Variants in HERC2 observed in about 807,000 individuals in gnomAD.
The protein encoded by HERC2 is E3 ubiquitin-protein ligase HERC2.
Under a neutral mutation model 537.7 loss-of-function variants are expected in HERC2, and 102 were observed. That is an observed-to-expected ratio of 0.19 (90% CI 0.16 to 0.22). The LOEUF (loss-of-function observed/expected upper bound fraction) is 0.22, where lower values mean the gene tolerates loss of function less well. HERC2 is among the 10% of genes least tolerant of loss of function. The pLI is 1.00. For missense variants in HERC2, 4,236 were observed against 6,198.2 expected, an observed-to-expected ratio of 0.68 and a Z score of 10.63; for synonymous variants, 2,224 against 2,466.2, an observed-to-expected ratio of 0.90 and a Z score of 2.91.
At position 28,144,678 on chromosome 15, in the gene HERC2, G is replaced by A; in HGVS notation, c.11135C>T (p.Ala3712Val). ...WRFTVYPIMP[A>V]AGPKELLSDR... ...GCCATAAGCCCCTTCCTTACCAGCA[G>A]CTGGCATGATGGGATAGACGGTGAA... Residue 3712 changes from alanine to valine, a missense_variant, in exon 72 of 93, where the codon GCT becomes GTT. Physicochemically the swap from Ala to Val is moderately conservative, Grantham distance 64 (BLOSUM62 0). Transcript: ENST00000261609. 1 of 1,614,208 alleles carries A rather than the reference G, an allele frequency of 6.2e-7. No homozygotes were observed.
intron 68 of HERC2, among the ~76,000 whole-genome samples, chr15:28,165,903 G>A (rs1894089097): frequency 1.3e-5 from 2 of 152,106 alleles, no homozygotes; most frequent in Non-Finnish European, 1.5e-5. Flanking sequence ...CACACAAAGG[G>A]CCCAGATCTT....
chr15:28,278,787 T>C lies in HERC2; in HGVS notation c.542+1281A>G, dbSNP rs573042617. Among the ~76,000 whole-genome samples the C allele has an allele frequency of 3.9e-5, 6 of 152,302 alleles. No homozygotes were observed. In the South Asian group the frequency reaches 1.2e-3, roughly 32 times the overall value. The stretch of plus-strand genomic sequence containing the variant: ...CAGGGAGTCAAAGTCACTATCACAG[T>C]CAAATAAAGCCAGCACTCCTAACAC... On this transcript the variant is annotated intron_variant, in intron 5 of 92. Coordinates refer to ENST00000261609, the MANE Select transcript of HERC2 (RefSeq NM_004667.6).
intron 65 of HERC2, among the ~76,000 whole-genome samples, chr15:28,171,705 C>A (rs957727007): frequency 6.6e-6 from 1 of 151,826 alleles, no homozygotes; most frequent in Non-Finnish European, 1.5e-5. Context: ...TATTCCCATA[C>A]AGAAGAAATG....
chr15:28,192,451 C>T (rs1896939982), intron 52 of HERC2, among the ~76,000 whole-genome samples: 1 of 152,138 alleles, frequency 6.6e-6, no homozygotes, highest in African/African-American at 2.4e-5. Context: ...ACAGCACTCA[C>T]AAAAACCATT....
chr15:28,314,844 G>A (rs2077039576), intron 2 of HERC2, among the ~76,000 whole-genome samples: 1 of 144,490 alleles, frequency 6.9e-6, no homozygotes, highest in African/African-American at 2.5e-5. Context: ...CTGGGCAACA[G>A]AGCAAGACTC....
At chr15:28,321,063 A>C (rs1207877428) in intron 2 of HERC2, among the ~76,000 whole-genome samples, 2 of 152,086 alleles carry the variant, frequency 1.3e-5, no homozygotes, top group Non-Finnish European at 2.9e-5. Flanking sequence ...AGTCACCATG[A>C]TATGGTTAGG....
intron 35 of HERC2, among the ~76,000 whole-genome samples, chr15:28,223,447 G>A (rs1900743475): frequency 6.6e-6 from 1 of 152,062 alleles, no homozygotes; most frequent in Non-Finnish European, 1.5e-5. Flanking sequence ...AATTCCCAGG[G>A]CTGGAGCAAA....
chr15:28,214,769 G>C lies in HERC2; in HGVS notation c.6244C>G (p.Pro2082Ala). ...LAVHLLQAVL[P>A]SWDKTERARD... ...GCCCTTTCGGTCTTGTCCCATGATG[G>C]AAGGACTGCTTGCAACAAATGCACA... The change falls in exon 40 of 93, where the codon CCA becomes GCA. Residue 2082 changes from proline (P) to alanine (A), a missense_variant. Transcript: ENST00000261609. The C allele has an allele frequency of 6.2e-7, 1 of 1,611,748 alleles. No homozygotes were observed. Among genetic ancestry groups the C allele is most frequent in the South Asian group, 1.1e-5 (1 of 90,988 alleles).
At chr15:28,289,281 C>A (rs532010369) in intron 4 of HERC2, among the ~76,000 whole-genome samples, 1 of 152,236 alleles carries the variant, frequency 6.6e-6, no homozygotes, top group African/African-American at 2.4e-5. Flanking sequence ...CACGCAAACA[C>A]CAAATCAGAA....
At chr15:28,245,562 TATATAC>T (rs1334016374) in intron 23 of HERC2, among the ~76,000 whole-genome samples, 8 of 62,904 alleles carry the variant, frequency 1.3e-4, no homozygotes, top group East Asian at 3.8e-4. Context: ...AAAAAAAAAA[TATATAC>T]ACACACACAC....
chr15:28,215,826 C>G (rs751259973), intron 38 of HERC2, 24 bp from the exon 39 acceptor site: 10 of 1,428,964 alleles, frequency 7.0e-6, no homozygotes, highest in South Asian at 1.2e-5. Flanking sequence ...AATAGACATG[C>G]TTGGTAACAA....
chr15:28,246,598 TA>T (rs139539730), intron 22 of HERC2, 143 bp downstream of exon 22: 15,008 of 463,334 alleles, frequency 0.032, 1 homozygote, highest in South Asian at 0.047. Flanking sequence ...TGTCAGTAAC[TA>T]AAAAAAAAAA....
In HERC2 at chr15:28,191,977, G is replaced by A. The variant is rs775293431; in HGVS notation, c.8435C>T (p.Ser2812Leu). 9.3e-6 allele frequency: 15 copies of A among 1,613,460 alleles called. No homozygotes were observed. Among genetic ancestry groups the A allele is most frequent in the Admixed American group, 6.7e-5 (4 of 59,988 alleles). Residue 2812 changes from serine (S) to leucine (L), a missense_variant, in exon 53 of 93, where the codon TCG becomes TTG. Physicochemically the swap from Ser to Leu is moderately radical, Grantham distance 145. Around this residue, in one of 27 missense-constraint regions of HERC2, gnomAD observed 606 missense variants for 884.5 expected, o/e 0.69. Coordinates refer to ENST00000261609, the MANE Select transcript of HERC2 (RefSeq NM_004667.6). ...AGATGCTACCTTTCCTTGCGACCCC[G>A]ATGACTGCCAGCAGGGCTCGCTGCC... ...IDGSEPCWQSSGSQGKHWIRL... is the reference protein window; with the variant it reads ...IDGSEPCWQSLGSQGKHWIRL...
At position 28,233,645 on chromosome 15, in the gene HERC2, C is replaced by T; in HGVS notation, c.4351+19G>A. The T allele has an allele frequency of 6.2e-7, 1 of 1,613,766 alleles. No homozygotes were observed. Among genetic ancestry groups the T allele is most frequent in the Non-Finnish European group, 8.5e-7 (1 of 1,179,688 alleles). On this transcript the variant is annotated intron_variant, in intron 28 of 92. Coordinates refer to ENST00000261609, the MANE Select transcript of HERC2 (RefSeq NM_004667.6). ...GAATCTGCAGTGTACCTAAAGTACA[C>T]AGATATCGAGCTCCTTACCTAAATC...
intron 2 of HERC2, among the ~76,000 whole-genome samples, chr15:28,311,000 C>G (rs1396723797): frequency 3.1e-5 from 4 of 130,910 alleles, no homozygotes; most frequent in Admixed American, 1.9e-4. Context: ...TTGTTTGAAC[C>G]TGGGAGGCGG....
intron 69 of HERC2, among the ~76,000 whole-genome samples, chr15:28,153,763 A>G (rs1892701160): frequency 6.6e-6 from 1 of 152,242 alleles, no homozygotes. Flanking sequence ...ATTTTACACC[A>G]AGACAAGATT....
At chr15:28,308,678 C>G (rs2076858452) in intron 2 of HERC2, among the ~76,000 whole-genome samples, 1 of 152,192 alleles carries the variant, frequency 6.6e-6, no homozygotes, top group Admixed American at 6.5e-5. Context: ...ATGATACTAG[C>G]TGTGGGTCTG....
intron 2 of HERC2, among the ~76,000 whole-genome samples, chr15:28,318,103 T>C (rs561141129): frequency 5.3e-5 from 8 of 152,278 alleles, no homozygotes; most frequent in Non-Finnish European, 1.0e-4. Flanking sequence ...CAGGCATGTG[T>C]TTTAAGAATA....
intron 86 of HERC2, 165 bp from the exon 87 acceptor site, chr15:28,117,319 G>A: frequency 1.3e-6 from 1 of 755,640 alleles, no homozygotes; most frequent in African/African-American, 1.7e-5. Context: ...TGCCGTCTGG[G>A]GCGCTCGACT....
Sources: allele counts gnomAD v4.1 joint callset (sites outside exome capture counted in the v4.1 genomes callset), GRCh38; gene constraint gnomAD v4.1.1; regional missense constraint gnomAD v4.1.1; transcripts MANE v1.5; gene names NCBI Gene and HGNC (gene_info 2026-07-23, HGNC 2026-07-21).